The following TNNI3K variants were observed in gnomAD, a reference collection of about 807,000 sequenced individuals.
The protein encoded by TNNI3K is TNNI3 interacting kinase, also known as serine/threonine-protein kinase TNNI3K.
In TNNI3K, 140 loss-of-function variants were observed where a neutral mutation model predicts 114.5. The ratio of observed to expected loss-of-function variants is 1.22; its 90% CI spans 1.07 to 1.41. The LOEUF is 1.41. TNNI3K is among the 40% of genes most tolerant of loss of function. The pLI, the probability that TNNI3K is intolerant of heterozygous loss-of-function variation, is 0.00. For missense variants in TNNI3K, 1,125 were observed against 1,007.6 expected, an observed-to-expected ratio of 1.12 and a Z score of -1.58; for synonymous variants, 347 against 347.5, an observed-to-expected ratio of 1.00 and a Z score of 0.02.
chr1:74,271,786 C>T (rs1316813693), intron 5 of TNNI3K, 78 bp downstream of exon 5: 1 of 1,255,490 alleles, frequency 8.0e-7, no homozygotes. Context: ...TTTTGAAATA[C>T]TGTCTTTGAG....
chr1:74,345,843 A>T (rs1660971781), intron 9 of TNNI3K: 1 of 152,190 alleles, frequency 6.6e-6, no homozygotes, highest in South Asian at 2.1e-4. Flanking sequence ...AGGCATGCTA[A>T]TTTCATACAA....
intron 3 of TNNI3K, 87 bp from the exon 4 acceptor site, chr1:74,250,585 G>C: frequency 7.9e-7 from 1 of 1,265,158 alleles, no homozygotes; most frequent in Non-Finnish European, 1.1e-6. Flanking sequence ...TTATACAGCT[G>C]TATGGCATTT....
In TNNI3K at chr1:74,543,999, C is replaced by G. The variant is rs752039097; in HGVS notation, c.*17C>G. 2 of 1,605,010 alleles carry G rather than the reference C, an allele frequency of 1.2e-6. No individual in the cohort carries two copies. Among genetic ancestry groups the G allele is most frequent in the Admixed American group, 1.7e-5 (1 of 57,906 alleles). On this transcript the variant is annotated 3_prime_UTR_variant, in exon 25 of 25. Transcript: ENST00000326637. ...AGCAGCTGACAGCATTCGGCGTATACCTAAGGAGAGTTTTTTCCCCGAACT... is the reference window on the plus strand; with the variant it reads ...AGCAGCTGACAGCATTCGGCGTATAGCTAAGGAGAGTTTTTTCCCCGAACT...
intron 17 of TNNI3K, among the ~76,000 whole-genome samples, chr1:74,377,946 A>G (rs1230219446): frequency 2.0e-5 from 3 of 152,076 alleles, no homozygotes; most frequent in East Asian, 3.9e-4. Context: ...AAATGCCCAT[A>G]TAAACAGACA....
intron 23 of TNNI3K, among the ~76,000 whole-genome samples, chr1:74,535,541 T>C (rs564584095): frequency 1.3e-5 from 2 of 152,246 alleles, no homozygotes; most frequent in South Asian, 4.1e-4. Flanking sequence ...TTGTCACATC[T>C]TGTGACCTCC....
intron 20 of TNNI3K, among the ~76,000 whole-genome samples, chr1:74,455,629 A>T (rs986583713): frequency 1.3e-5 from 2 of 152,316 alleles, no homozygotes; most frequent in African/African-American, 4.8e-5. Context: ...ATTCAGTGTG[A>T]GTTCAAAGTC....
At chr1:74,531,677 T>C (rs1000321269) in intron 23 of TNNI3K, among the ~76,000 whole-genome samples, 1 of 152,242 alleles carries the variant, frequency 6.6e-6, no homozygotes, top group African/African-American at 2.4e-5. Context: ...TTTCTCCACC[T>C]TTTCTTTGTA....
chr1:74,475,942 T>C, intron 21 of TNNI3K: 1 of 449,898 alleles, frequency 2.2e-6, no homozygotes, highest in Admixed American at 3.8e-5. Flanking sequence ...TCCTTCACCA[T>C]TTGGAAAAAT....
At chr1:74,448,159 T>C (rs1666789809) in intron 20 of TNNI3K, among the ~76,000 whole-genome samples, 2 of 106,596 alleles carry the variant, frequency 1.9e-5, no homozygotes, top group South Asian at 7.7e-4. Flanking sequence ...TACCTAATGC[T>C]AGATGACACA....
At chr1:74,239,936 A>G (rs1654082270) in intron 2 of TNNI3K, 1 of 469,998 alleles carries the variant, frequency 2.1e-6, no homozygotes, top group African/African-American at 2.0e-5. Context: ...ATTCACTCAT[A>G]ACTTTGGACA....
At chr1:74,514,289 G>A (rs779877377) in intron 23 of TNNI3K, among the ~76,000 whole-genome samples, 3 of 152,128 alleles carry the variant, frequency 2.0e-5, no homozygotes, top group Non-Finnish European at 4.4e-5. Context: ...ACAATTCTAT[G>A]TATTTGTCAG....
intron 17 of TNNI3K, among the ~76,000 whole-genome samples, chr1:74,426,688 T>G (rs1360305784): frequency 1.3e-5 from 2 of 152,090 alleles, no homozygotes; most frequent in African/African-American, 4.8e-5. Context: ...CATGCAGAGA[T>G]GGACAGTATT....
chr1:74,532,342 G>A (rs891608332), intron 23 of TNNI3K, among the ~76,000 whole-genome samples: 5 of 152,154 alleles, frequency 3.3e-5, no homozygotes, highest in African/African-American at 1.2e-4. Flanking sequence ...GAAGAATTTA[G>A]CGTTCATCTT....
chr1:74,472,278 T>C (rs1667974612), intron 21 of TNNI3K: 1 of 673,972 alleles, frequency 1.5e-6, no homozygotes, highest in East Asian at 2.7e-5. Flanking sequence ...GTAGAAACCT[T>C]ATGAAAAGTA....
chr1:74,375,707 T>C, intron 17 of TNNI3K: 1 of 426,422 alleles, frequency 2.3e-6, no homozygotes, highest in Non-Finnish European at 4.8e-6. Context: ...CAATCAGCAG[T>C]CCCCACTTTC....
intron 21 of TNNI3K, chr1:74,470,126 C>T (rs1667852272): frequency 5.0e-6 from 2 of 400,582 alleles, no homozygotes; most frequent in Admixed American, 4.4e-5. Flanking sequence ...AAATTATGTA[C>T]ATTACTGTTA....
At chr1:74,480,014 A>C in intron 21 of TNNI3K, 2 of 604,268 alleles carry the variant, frequency 3.3e-6, no homozygotes, top group Non-Finnish European at 5.9e-6. Flanking sequence ...AAATCAGCTA[A>C]TATCCTCCCA....
chr1:74,299,010 G>C (rs911239139), intron 5 of TNNI3K, among the ~76,000 whole-genome samples: 5 of 152,070 alleles, frequency 3.3e-5, no homozygotes, highest in African/African-American at 1.2e-4. Flanking sequence ...TATATCATCT[G>C]AAACTCTATA....
intron 2 of TNNI3K, among the ~76,000 whole-genome samples, chr1:74,248,093 C>A (rs905501112): frequency 6.6e-6 from 1 of 152,126 alleles, no homozygotes; most frequent in African/African-American, 2.4e-5. Flanking sequence ...TCAAGTGCAG[C>A]GCAGGTGGGC....
Sources: gnomAD v4.1 joint callset for allele counts (sites outside exome capture counted in the v4.1 genomes callset) on GRCh38, gnomAD v4.1.1 for gene constraint, MANE v1.5 for transcripts, NCBI Gene and HGNC (gene_info 2026-07-23, HGNC 2026-07-21) for gene names.